Variants in RAPH1 observed in about 807,000 individuals in gnomAD.
RAPH1 encodes Ras association (RalGDS/AF-6) and pleckstrin homology domains 1.
In RAPH1, 18 loss-of-function variants were observed where a neutral mutation model predicts 88.1. The ratio of observed to expected loss-of-function variants is 0.20; its 90% CI spans 0.14 to 0.30. The LOEUF (loss-of-function observed/expected upper bound fraction) is 0.30, where lower values mean the gene tolerates loss of function less well. Ranked by LOEUF, RAPH1 falls within the 10% of genes least tolerant of loss-of-function variation. The pLI is 1.00. For synonymous variants in RAPH1, 587 were observed against 559.0 expected, an observed-to-expected ratio of 1.05 and a Z score of -0.71; for missense variants, 1,448 against 1,543.2, an observed-to-expected ratio of 0.94 and a Z score of 1.03.
In RAPH1 at chr2:203,441,369, G is replaced by A. The variant is rs200687067; in HGVS notation, c.1821C>T (p.Pro607=). 8.6e-5 allele frequency: 135 copies of A among 1,575,604 alleles called. No individual in the cohort carries two copies. The highest frequency in any genetic ancestry group is 1.1e-4 in the Non-Finnish European group (129 of 1,162,270). The part of the protein sequence containing the change: ...SMNRPYTSLV[P]PLSPQPKIVT... Reference sequence around the variant, plus strand: ...CTATCTTAGGTTGCGGGGATAAAGGGGGCACAAGTGAAGTGTAGGGCCGAT... The same window carrying A: ...CTATCTTAGGTTGCGGGGATAAAGGAGGCACAAGTGAAGTGTAGGGCCGAT... The change falls in exon 14 of 14, where the codon CCC becomes CCT. Residue 607 remains proline (P), a synonymous_variant. Transcript: ENST00000319170.
At chr2:203,519,358 T>C (rs1027580433) in intron 1 of RAPH1, among the ~76,000 whole-genome samples, 4 of 152,282 alleles carry the variant, frequency 2.6e-5, no homozygotes, top group Admixed American at 2.0e-4. Context: ...AATCAATTAA[T>C]ACAATCCATT....
intron 1 of RAPH1, among the ~76,000 whole-genome samples, chr2:203,523,301 G>A (rs865952084): frequency 5.3e-5 from 8 of 151,680 alleles, no homozygotes; most frequent in Non-Finnish European, 7.4e-5. Flanking sequence ...GCTGAGGCAG[G>A]AGAATGGCGT....
At chr2:203,468,144 A>T (rs1301052952) in intron 4 of RAPH1, among the ~76,000 whole-genome samples, 1 of 152,220 alleles carries the variant, frequency 6.6e-6, no homozygotes, top group Non-Finnish European at 1.5e-5. Context: ...CTCCAGGGTC[A>T]TAAACATTGT....
chr2:203,529,415 G>A (rs1690285212), intron 1 of RAPH1, among the ~76,000 whole-genome samples: 2 of 152,130 alleles, frequency 1.3e-5, no homozygotes, highest in African/African-American at 4.8e-5. Context: ...AGGCTGGAGT[G>A]CAATGGCGCC....
intron 1 of RAPH1, among the ~76,000 whole-genome samples, chr2:203,514,178 T>C (rs1689492197): frequency 6.6e-6 from 1 of 152,126 alleles, no homozygotes; most frequent in Non-Finnish European, 1.5e-5. Context: ...AGGTATCTGC[T>C]GCCAGCTACT....
chr2:203,532,024 C>T (rs959332942), intron 1 of RAPH1, among the ~76,000 whole-genome samples: 1 of 151,980 alleles, frequency 6.6e-6, no homozygotes, highest in Non-Finnish European at 1.5e-5. Flanking sequence ...ATACATACAA[C>T]GGAATATTAA....
intron 7 of RAPH1, among the ~76,000 whole-genome samples, chr2:203,458,194 A>AC (rs2098521365): frequency 1.3e-5 from 2 of 151,996 alleles, no homozygotes; most frequent in South Asian, 4.2e-4. Context: ...ACACGGTGAA[A>AC]CCCCGTCTCT....
At chr2:203,442,058 G>T (rs1456037712) in intron 13 of RAPH1, 4 of 1,594,516 alleles carry the variant, frequency 2.5e-6, no homozygotes, top group Middle Eastern at 1.7e-4. Context: ...GGTAAAGGGG[G>T]GACATTCTTT....
chr2:203,440,381 C>T lies in RAPH1; in HGVS notation c.2809G>A (p.Ala937Thr), dbSNP rs2098502419. ...GTGGGTGGAGGTGGTGGTGGTGGGG[C>T]TGGGACAGGTGATGGGGGTGGAGGA... is the stretch of plus-strand genomic sequence containing the variant. ...FPPPPPSPVP[A>T]PPPPPPPTAS... Residue 937 changes from alanine (A) to threonine (T), a missense_variant, in exon 14 of 14, where the codon GCC (alanine) becomes ACC (threonine). This residue lies in a region of RAPH1 where 935 missense variants were observed against 890.1 expected (regional missense o/e 1.05). Coordinates refer to ENST00000319170, the MANE Select transcript of RAPH1 (RefSeq NM_213589.3). 3 of 1,577,918 alleles carry T rather than the reference C, an allele frequency of 1.9e-6. No individual in the cohort carries two copies. The highest frequency in any genetic ancestry group is 1.7e-6 in the Non-Finnish European group (2 of 1,159,838).
intron 1 of RAPH1, among the ~76,000 whole-genome samples, chr2:203,501,123 G>A (rs1688722189): frequency 1.3e-5 from 2 of 152,018 alleles, no homozygotes; most frequent in Admixed American, 1.3e-4. Flanking sequence ...CAAGAGGAAG[G>A]AAACGTAAAT....
At position 203,434,651 on chromosome 2, in the gene RAPH1, G is replaced by T. The variant is rs554928727; in HGVS notation, c.*4786C>A. 1 of 152,436 alleles carries T rather than the reference G, an allele frequency of 6.6e-6. No homozygotes were observed. The highest frequency in any genetic ancestry group is 1.9e-4 in the East Asian group (1 of 5,172). The allele number at this position is 152,436 out of a possible 1,614,324, so 9.4% of individuals were successfully genotyped here. On this transcript the variant is annotated 3_prime_UTR_variant, in exon 14 of 14. Coordinates refer to ENST00000319170, the MANE Select transcript of RAPH1 (RefSeq NM_213589.3). Reference sequence around the variant, plus strand: ...TTAGGTTACAATAAATTTAACGAATGGACAGTTTGCAAAATATAAGGGTTT... The same window carrying T: ...TTAGGTTACAATAAATTTAACGAATTGACAGTTTGCAAAATATAAGGGTTT...
Position 203,436,588 on chromosome 2 carries a change from A to T in RAPH1, c.*2849T>A, listed in dbSNP as rs2098498713. The T allele has an allele frequency of 6.6e-6, 1 of 152,240 alleles. No homozygotes were observed. Among genetic ancestry groups the T allele is most frequent in the Non-Finnish European group, 1.5e-5 (1 of 68,046 alleles). 9.4% of individuals were successfully genotyped at this position (152,240 alleles called of 1,614,324 possible). On this transcript the variant is annotated 3_prime_UTR_variant, in exon 14 of 14. Coordinates refer to ENST00000319170, the MANE Select transcript of RAPH1 (RefSeq NM_213589.3). ...GTAGAAATTAGGAGTGTCACTAATT[A>T]AGCAAGTCACTACCTCTAATAAGCA... is the stretch of plus-strand genomic sequence containing the variant.
rs145358326 is a variant in RAPH1 at position 203,519,223 on chromosome 2, G to C, written c.-1+15888C>G. The stretch of plus-strand genomic sequence containing the variant: ...AGAAAACTATAAACCATTATCTCAT[G>C]AACATAGATGCAAAAATCCTCAACA... On this transcript the variant is annotated intron_variant, in intron 1 of 13. Transcript: ENST00000319170. Among the ~76,000 whole-genome samples, 229 of 152,276 alleles carry C rather than the reference G, an allele frequency of 1.5e-3. 1 individual carries two copies. The highest frequency in any genetic ancestry group is 5.4e-3 in the African/African-American group (224 of 41,566).
At position 203,448,646 on chromosome 2, in the gene RAPH1, C is replaced by A. The variant is rs2098512076; in HGVS notation, c.1512+92G>T. 13 of 786,896 alleles carry A rather than the reference C, an allele frequency of 1.7e-5. No individual in the cohort carries two copies. The highest frequency in any genetic ancestry group is 2.4e-5 in the Non-Finnish European group (12 of 508,084). 48.7% of individuals were successfully genotyped at this position (786,896 alleles called of 1,614,324 possible). On this transcript the variant is annotated intron_variant, in intron 11 of 13. Coordinates refer to ENST00000319170, the MANE Select transcript of RAPH1 (RefSeq NM_213589.3). This position sits in a 1 kb window ranked among gnomAD's most constrained non-coding sequence, Gnocchi z 4.1. The stretch of plus-strand genomic sequence containing the variant: ...ACGTAGGCACTGGCAAATCCATGAA[C>A]ATGAAATAGTCAGAATAGTTGTCAT...
chr2:203,527,870 AC>A (rs1690196741), intron 1 of RAPH1, among the ~76,000 whole-genome samples: 1 of 151,538 alleles, frequency 6.6e-6, no homozygotes, highest in Non-Finnish European at 1.5e-5. Context: ...AGCTGCTTTG[AC>A]CTCAATGAAA....
intron 4 of RAPH1, among the ~76,000 whole-genome samples, chr2:203,475,515 AATT>A (rs1687379191): frequency 1.3e-5 from 2 of 152,184 alleles, no homozygotes; most frequent in Admixed American, 6.5e-5. Context: ...ATAACACTGA[AATT>A]ATTTTGTCAT....
intron 2 of RAPH1, among the ~76,000 whole-genome samples, chr2:203,491,645 C>T (rs1355004318): frequency 6.6e-6 from 1 of 152,040 alleles, no homozygotes; most frequent in Non-Finnish European, 1.5e-5. Context: ...GTAGTTGGGA[C>T]CATAGGCATG....
intron 4 of RAPH1, among the ~76,000 whole-genome samples, chr2:203,486,822 G>A (rs1010519450): frequency 6.6e-6 from 1 of 152,114 alleles, no homozygotes; most frequent in South Asian, 2.1e-4. Flanking sequence ...GCAAGTTCCG[G>A]GTTTGTTAAA....
chr2:203,469,915 G>A (rs1371006322), intron 4 of RAPH1, among the ~76,000 whole-genome samples: 1 of 152,206 alleles, frequency 6.6e-6, no homozygotes, highest in Non-Finnish European at 1.5e-5. Flanking sequence ...ACCATTAGCA[G>A]TAAAAGTTAC....
Sources: gnomAD v4.1 joint callset for allele counts (sites outside exome capture counted in the v4.1 genomes callset) on GRCh38, gnomAD v4.1.1 for gene constraint, gnomAD v4.1.1 regional missense constraint, Gnocchi (gnomAD v3.1) non-coding constraint, MANE v1.5 for transcripts, NCBI Gene and HGNC (gene_info 2026-07-23, HGNC 2026-07-21) for gene names.